The following CDK6 variants were observed in gnomAD, a reference collection of about 807,000 sequenced individuals.
CDK6 encodes cyclin dependent kinase 6, also known as cyclin-dependent kinase 6.
A neutral mutation model predicts 37.1 loss-of-function variants in CDK6; 6 were observed. The ratio of observed to expected loss-of-function variants is 0.16; its 90% CI spans 0.09 to 0.32. The LOEUF (loss-of-function observed/expected upper bound fraction) is 0.32, where lower values mean the gene tolerates loss of function less well. Among genes scored for constraint, CDK6 ranks in the 10% least tolerant of loss-of-function variants. The probability of loss-of-function intolerance (pLI) is 1.00; values close to 1 mark genes in which losing one functional copy is unlikely to be tolerated. For synonymous variants in CDK6, 160 were observed against 161.3 expected (o/e 0.99, Z 0.06); for missense variants, 224 against 418.9 (o/e 0.53, Z 4.06).
In CDK6 at chr7:92,833,249, C is replaced by A. The variant is rs760563227; in HGVS notation, c.75G>T (p.Gly25=). ...TCAAGTCGCGGGCCTTGAACACCTTCCCATAGGCGCCCTCCCCGATCTCCG... is the reference window on the plus strand; with the variant it reads ...TCAAGTCGCGGGCCTTGAACACCTTACCATAGGCGCCCTCCCCGATCTCCG... ...CVAEIGEGAY[G]KVFKARDLKN... Residue 25 remains glycine (G), a synonymous_variant, in exon 2 of 8, where the codon GGG becomes GGT. Transcript: ENST00000424848. This position sits in a 1 kb window ranked among gnomAD's most constrained non-coding sequence, Gnocchi z 6.1. The A allele has an allele frequency of 1.2e-6, 2 of 1,610,656 alleles. No homozygotes were observed. Among genetic ancestry groups the A allele is most frequent in the African/African-American group, 1.3e-5 (1 of 74,814 alleles).
Position 92,680,843 on chromosome 7 carries a change from T to C in CDK6, c.538-9308A>G, listed in dbSNP as rs1406652698. Among the ~76,000 whole-genome samples the C allele has an allele frequency of 3.9e-4, 59 of 152,340 alleles. 1 individual carries two copies. Among genetic ancestry groups the C allele is most frequent in the Non-Finnish European group, 1.5e-5 (1 of 68,024 alleles). On this transcript the variant is annotated intron_variant, in intron 4 of 7. Coordinates refer to ENST00000424848, the MANE Select transcript of CDK6 (RefSeq NM_001145306.2). The stretch of plus-strand genomic sequence containing the variant: ...CCATCTTTCAAGCCTCACTCACATA[T>C]TGCTTCATCCACAAAGCCTTTCCTG...
At chr7:92,632,745 T>C (rs1015287575) in intron 5 of CDK6, among the ~76,000 whole-genome samples, 2 of 152,078 alleles carry the variant, frequency 1.3e-5, no homozygotes, top group Admixed American at 1.3e-4. Flanking sequence ...CCCATATATA[T>C]CTACTATGTA....
At chr7:92,825,451 C>A (rs1465154213) in intron 2 of CDK6, among the ~76,000 whole-genome samples, 1 of 150,246 alleles carries the variant, frequency 6.7e-6, no homozygotes, top group Non-Finnish European at 1.5e-5. Flanking sequence ...GTTCTGCATG[C>A]ACATGCGTGC....
At chr7:92,786,349 T>A (rs186279843) in intron 2 of CDK6, among the ~76,000 whole-genome samples, 1 of 152,222 alleles carries the variant, frequency 6.6e-6, no homozygotes, top group East Asian at 1.9e-4. Flanking sequence ...CAGGTACTTA[T>A]GATTAGGTAC....
intron 2 of CDK6, among the ~76,000 whole-genome samples, chr7:92,802,586 A>G (rs1479403168): frequency 1.3e-5 from 2 of 152,194 alleles, no homozygotes; most frequent in Non-Finnish European, 2.9e-5. Flanking sequence ...CAGCTATCAC[A>G]TGTCTTTTAA....
rs1193957570 is a variant in CDK6 at position 92,606,174 on chromosome 7, TG to T, written c.*8965del. ...TGTAGATGGAGAGAAAACAGCAGCC[TG>T]GAATGTGGTTTATATTCTTGATTAG... On this transcript the variant is annotated 3_prime_UTR_variant, in exon 8 of 8. Coordinates refer to ENST00000424848, the MANE Select transcript of CDK6 (RefSeq NM_001145306.2). 3 of 233,472 alleles carry T rather than the reference TG, an allele frequency of 1.3e-5. No individual in the cohort carries two copies. The highest frequency in any genetic ancestry group is 2.5e-5 in the Non-Finnish European group (3 of 117,954). The allele number at this position is 233,472 out of a possible 1,614,324, so 14.5% of individuals were successfully genotyped here.
chr7:92,777,314 C>T (rs987293564), intron 2 of CDK6, among the ~76,000 whole-genome samples: 37 of 152,266 alleles, frequency 2.4e-4, no homozygotes, highest in African/African-American at 8.9e-4. Flanking sequence ...CTCACCACAA[C>T]CTCCGCCTCC....
chr7:92,825,798 T>C (rs1350972292), intron 2 of CDK6, among the ~76,000 whole-genome samples: 2 of 152,210 alleles, frequency 1.3e-5, no homozygotes, highest in Non-Finnish European at 2.9e-5. Flanking sequence ...ACATTTGAAA[T>C]GTTCAAATCA....
chr7:92,736,306 T>C (rs1250087764), intron 3 of CDK6, among the ~76,000 whole-genome samples: 6 of 152,194 alleles, frequency 3.9e-5, no homozygotes, highest in African/African-American at 1.2e-4. Flanking sequence ...TCAAAAGAAC[T>C]ATGAAGTCCC....
chr7:92,691,661 A>G (rs954540630), intron 4 of CDK6, among the ~76,000 whole-genome samples: 6 of 152,234 alleles, frequency 3.9e-5, no homozygotes, highest in African/African-American at 1.4e-4. Context: ...TCAGATTGGT[A>G]ATCAGAACTA....
chr7:92,650,619 G>C (rs79835522), intron 5 of CDK6, among the ~76,000 whole-genome samples: 1 of 152,074 alleles, frequency 6.6e-6, no homozygotes. Context: ...TCAAGGTGTC[G>C]GCAGAGCTGT....
intron 5 of CDK6, among the ~76,000 whole-genome samples, chr7:92,637,234 G>A (rs976351561): frequency 2.6e-5 from 4 of 152,116 alleles, no homozygotes; most frequent in African/African-American, 9.7e-5. Flanking sequence ...AACTCCTTTT[G>A]AATTTAGAAA....
chr7:92,828,396 C>T (rs890138407), intron 2 of CDK6, among the ~76,000 whole-genome samples: 5 of 151,812 alleles, frequency 3.3e-5, no homozygotes, highest in African/African-American at 9.7e-5. Context: ...AACAAACAAA[C>T]AAAAATTGCT....
At chr7:92,655,049 T>C (rs1302674010) in intron 5 of CDK6, among the ~76,000 whole-genome samples, 2 of 151,234 alleles carry the variant, frequency 1.3e-5, no homozygotes, top group Admixed American at 1.3e-4. Flanking sequence ...TCTCCCTATG[T>C]TGCCTAGGCT....
intron 5 of CDK6, among the ~76,000 whole-genome samples, chr7:92,635,459 T>C (rs1157498136): frequency 2.0e-5 from 3 of 152,142 alleles, no homozygotes; most frequent in Non-Finnish European, 2.9e-5. Context: ...AAAACAGATA[T>C]CACAGCTTCT....
intron 2 of CDK6, among the ~76,000 whole-genome samples, chr7:92,825,042 A>G (rs961070903): frequency 2.0e-5 from 3 of 152,148 alleles, no homozygotes; most frequent in African/African-American, 4.8e-5. Flanking sequence ...GACTAGTACA[A>G]TAAAACTCCA....
At chr7:92,713,144 C>A (rs1798140634) in intron 4 of CDK6, among the ~76,000 whole-genome samples, 1 of 152,154 alleles carries the variant, frequency 6.6e-6, no homozygotes, top group East Asian at 1.9e-4. Flanking sequence ...CAGGTGTGAG[C>A]CACTGCGCCC....
At chr7:92,707,878 T>A (rs1798002427) in intron 4 of CDK6, among the ~76,000 whole-genome samples, 1 of 152,194 alleles carries the variant, frequency 6.6e-6, no homozygotes, top group African/African-American at 2.4e-5. Context: ...ATCAAGTGTA[T>A]GATATTATGG....
intron 4 of CDK6, among the ~76,000 whole-genome samples, chr7:92,695,306 A>G (rs893766727): frequency 2.8e-4 from 42 of 149,164 alleles, no homozygotes; most frequent in Non-Finnish European, 5.8e-4. Flanking sequence ...AAGAAAGAAA[A>G]AAACCAACAA....
Sources: gnomAD v4.1 joint callset for allele counts (sites outside exome capture counted in the v4.1 genomes callset) on GRCh38, gnomAD v4.1.1 for gene constraint, Gnocchi (gnomAD v3.1) non-coding constraint, MANE v1.5 for transcripts, NCBI Gene and HGNC (gene_info 2026-07-23, HGNC 2026-07-21) for gene names.